The following SNX13 variants were observed in gnomAD, a reference collection of about 807,000 sequenced individuals.
SNX13 encodes sorting nexin-13.
SNX13 carries 45 observed loss-of-function variants against 133.6 expected under a neutral mutation model. The ratio of observed to expected loss-of-function variants is 0.34; its 90% CI spans 0.27 to 0.43. The LOEUF (loss-of-function observed/expected upper bound fraction) is 0.43. Among genes scored for constraint, SNX13 ranks in the 20% least tolerant of loss-of-function variants. The pLI is 1.00. For missense variants in SNX13, 1,032 were observed against 1,145.1 expected, an observed-to-expected ratio of 0.90 and a Z score of 1.43; for synonymous variants, 414 against 373.9, an observed-to-expected ratio of 1.11 and a Z score of -1.24.
intron 5 of SNX13, 28 bp from the exon 6 acceptor site, chr7:17,875,818 AT>A: frequency 6.6e-7 from 1 of 1,517,050 alleles, no homozygotes; most frequent in South Asian, 1.2e-5. Context: ...ACATAAAAGG[AT>A]TATATAAATG....
chr7:17,826,060 T>A lies in SNX13; in HGVS notation c.1667A>T (p.Asp556Val), dbSNP rs1256592474. ...GTAGGCATGAAGTTGTACTGAGTCA[T>A]CAGAAGAAACATTTGAAAGGTCATC... ...SLDDLSNVSS[D>V]DSVQLHAYIS... Residue 556 changes from aspartate (D) to valine (V), a missense_variant, in exon 17 of 26, where the codon GAT (aspartate) becomes GTT (valine). Coordinates refer to ENST00000428135, the MANE Select transcript of SNX13 (RefSeq NM_015132.5). The A allele has an allele frequency of 1.3e-6, 2 of 1,557,430 alleles. No individual in the cohort carries two copies. The highest frequency in any genetic ancestry group is 1.7e-6 in the Non-Finnish European group (2 of 1,149,548).
At chr7:17,937,169 A>G (rs1020491071) in intron 1 of SNX13, among the ~76,000 whole-genome samples, 2 of 151,986 alleles carry the variant, frequency 1.3e-5, no homozygotes, top group African/African-American at 4.8e-5. Flanking sequence ...TTGAAGCCAA[A>G]AAGTTTACAT....
At chr7:17,798,827 C>T in intron 23 of SNX13, 69 bp from the exon 24 acceptor site, 1 of 1,290,914 alleles carries the variant, frequency 7.7e-7, no homozygotes, top group Non-Finnish European at 1.1e-6. Context: ...ACGTGACTTT[C>T]ATAGAGCAAG....
chr7:17,915,296 G>A (rs1483368938), intron 1 of SNX13, among the ~76,000 whole-genome samples: 3 of 152,150 alleles, frequency 2.0e-5, no homozygotes, highest in Non-Finnish European at 4.4e-5. Flanking sequence ...ATACTCTGCA[G>A]CTGCATTCCT....
rs545283776 is a variant in SNX13, at chr7:17,826,158, T to C, written c.1636-67A>G. On this transcript the variant is annotated intron_variant, in intron 16 of 25. Coordinates refer to ENST00000428135, the MANE Select transcript of SNX13 (RefSeq NM_015132.5). ...AGGGAAAAAAAAGAGTAAAGAATTC[T>C]ACATCATATATGCATTACAATTACT... 293 of 987,338 alleles carry C rather than the reference T, an allele frequency of 3.0e-4. 7 individuals are homozygous for C. In the South Asian group the frequency reaches 4.3e-3, roughly 15 times the overall value. The allele number at this position is 987,338 out of a possible 1,614,324, so 61.2% of individuals were successfully genotyped here.
intron 1 of SNX13, among the ~76,000 whole-genome samples, chr7:17,933,077 C>A (rs574791071): frequency 5.7e-4 from 87 of 152,208 alleles, no homozygotes; most frequent in Non-Finnish European, 1.2e-3. Context: ...ATCTCCAGCA[C>A]GAGTTATAAC....
At chr7:17,906,759 T>A (rs1798441805) in intron 1 of SNX13, among the ~76,000 whole-genome samples, 3 of 152,174 alleles carry the variant, frequency 2.0e-5, no homozygotes, top group Admixed American at 1.3e-4. Context: ...ACTCAAGGAA[T>A]CATAACTCTT....
At chr7:17,910,921 G>A (rs1798906764) in intron 1 of SNX13, among the ~76,000 whole-genome samples, 1 of 152,186 alleles carries the variant, frequency 6.6e-6, no homozygotes, top group African/African-American at 2.4e-5. Context: ...AATGGATACA[G>A]TCTTCTTTTT....
At chr7:17,890,330 T>C (rs1025972021) in intron 5 of SNX13, 33 bp downstream of exon 5, 1 of 1,591,856 alleles carries the variant, frequency 6.3e-7, no homozygotes, top group African/African-American at 1.4e-5. Flanking sequence ...TACATCTAAA[T>C]TTTTCTGCAT....
At chr7:17,842,784 A>T (rs991352412) in intron 12 of SNX13, among the ~76,000 whole-genome samples, 1 of 152,040 alleles carries the variant, frequency 6.6e-6, no homozygotes, top group Non-Finnish European at 1.5e-5. Flanking sequence ...TAGTTTTGTG[A>T]CGTCATCAAA....
In SNX13 at chr7:17,801,640, T is replaced by C. The variant is rs1784657414; in HGVS notation, c.2246A>G (p.Lys749Arg). The change falls in exon 22 of 26, where the codon AAG becomes AGG. Residue 749 changes from lysine to arginine, a missense_variant. Coordinates refer to ENST00000428135, the MANE Select transcript of SNX13 (RefSeq NM_015132.5). ...SFFKVPPLIP[K>R]TDSDPEHRRV... ...GCGATGTTCAGGGTCTGAATCAGTCTTAGGAATTAAAGGAGGCACCTAAAA... is the reference window on the plus strand; with the variant it reads ...GCGATGTTCAGGGTCTGAATCAGTCCTAGGAATTAAAGGAGGCACCTAAAA... 6.2e-7 allele frequency: 1 copy of C among 1,608,470 alleles called. No individual in the cohort carries two copies. Among genetic ancestry groups the C allele is most frequent in the Non-Finnish European group, 8.5e-7 (1 of 1,177,486 alleles).
intron 5 of SNX13, chr7:17,888,535 G>C (rs1364230148): frequency 3.5e-6 from 1 of 282,010 alleles, no homozygotes; most frequent in Non-Finnish European, 7.1e-6. Context: ...TAACTCACTA[G>C]ATAACATTAG....
At position 17,826,013 on chromosome 7, in the gene SNX13, C is replaced by G. The variant is rs576397904; in HGVS notation, c.1705+9G>C. 2.1e-5 allele frequency: 31 copies of G among 1,489,676 alleles called. No homozygotes were observed. The South Asian group carries it at 3.9e-4, about 19-fold the overall frequency. The allele number at this position is 1,489,676 out of a possible 1,614,324, so 92.3% of individuals were successfully genotyped here. A position where few individuals can be genotyped will look rare whatever the true frequency, so the allele number is the denominator to read the frequency against. ...TTTAATGCAATAATTATACTTCAAA[C>G]TCTCTTACCTGTGTCTGAAATGTAG... On this transcript the variant is annotated intron_variant, in intron 17 of 25. Coordinates refer to ENST00000428135, the MANE Select transcript of SNX13 (RefSeq NM_015132.5).
intron 18 of SNX13, among the ~76,000 whole-genome samples, chr7:17,819,894 C>CTTTATAAGAA (rs1787092946): frequency 1.5e-4 from 4 of 25,910 alleles, no homozygotes; most frequent in African/African-American, 5.4e-4. Flanking sequence ...TTATAAGAAA[C>CTTTATAAGAA]ACACACACAC....
chr7:17,847,208 T>TA (rs1349926294), intron 11 of SNX13, among the ~76,000 whole-genome samples: 1 of 147,010 alleles, frequency 6.8e-6, no homozygotes, highest in African/African-American at 2.6e-5. Flanking sequence ...AAACTAGTTT[T>TA]AAAATAAAGT....
At chr7:17,849,541 T>A (rs1790953913) in intron 11 of SNX13, among the ~76,000 whole-genome samples, 1 of 152,184 alleles carries the variant, frequency 6.6e-6, no homozygotes, top group Non-Finnish European at 1.5e-5. Flanking sequence ...AGGGCAAATC[T>A]CCAATTGATT....
At chr7:17,849,002 C>G (rs1011601741) in intron 11 of SNX13, among the ~76,000 whole-genome samples, 1 of 152,148 alleles carries the variant, frequency 6.6e-6, no homozygotes, top group African/African-American at 2.4e-5. Flanking sequence ...TGCATTCCTA[C>G]TTACACACAC....
intron 1 of SNX13, among the ~76,000 whole-genome samples, chr7:17,926,382 G>C (rs1583814642): frequency 6.6e-6 from 1 of 152,100 alleles, no homozygotes; most frequent in East Asian, 1.9e-4. Flanking sequence ...AAGGTAAATT[G>C]TTGTACTATC....
chr7:17,882,034 C>T (rs1446561702), intron 5 of SNX13: 1 of 152,150 alleles, frequency 6.6e-6, no homozygotes, highest in Non-Finnish European at 1.5e-5. Context: ...CACAAACATT[C>T]CTGAACTTAA....
Sources: gnomAD v4.1 joint callset for allele counts (sites outside exome capture counted in the v4.1 genomes callset) on GRCh38, gnomAD v4.1.1 for gene constraint, MANE v1.5 for transcripts, NCBI Gene and HGNC (gene_info 2026-07-23, HGNC 2026-07-21) for gene names.